Variants in EXOC4 observed in about 807,000 individuals in gnomAD.
EXOC4 encodes the protein SEC8-like 1.
Under a neutral mutation model 107.2 loss-of-function variants are expected in EXOC4, and 71 were observed. The observed-to-expected ratio is 0.66, with a 90% CI of 0.55 to 0.81. The LOEUF (loss-of-function observed/expected upper bound fraction) is 0.81. Among genes scored for constraint, EXOC4 ranks in the 30% least tolerant of loss-of-function variants. The pLI is 0.00. For synonymous variants in EXOC4, 456 were observed against 441.2 expected (o/e 1.03, Z -0.42); for missense variants, 1,108 against 1,189.6 (o/e 0.93, Z 1.01).
At chr7:133,565,476 G>A (rs1251882742) in intron 9 of EXOC4, among the ~76,000 whole-genome samples, 7 of 152,126 alleles carry the variant, frequency 4.6e-5, no homozygotes, top group Non-Finnish European at 1.0e-4. Flanking sequence ...GTTGTTTAGA[G>A]ATCACCTTGA....
chr7:133,743,050 G>A (rs1430394324), intron 10 of EXOC4, among the ~76,000 whole-genome samples: 1 of 152,098 alleles, frequency 6.6e-6, no homozygotes, highest in East Asian at 1.9e-4. Flanking sequence ...GTGTGCTTCT[G>A]AAAAAGAAGA....
intron 11 of EXOC4, among the ~76,000 whole-genome samples, chr7:133,823,870 TATTA>T (rs1186372460): frequency 0.022 from 269 of 12,256 alleles, 3 homozygotes; most frequent in Admixed American, 0.028. Context: ...TATATATATA[TATTA>T]TATATATATA....
intron 10 of EXOC4, among the ~76,000 whole-genome samples, chr7:133,666,096 T>C (rs1793806608): frequency 6.6e-6 from 1 of 152,196 alleles, no homozygotes; most frequent in South Asian, 2.1e-4. Flanking sequence ...GATTTAATGG[T>C]ATGTTTCAAT....
At chr7:133,278,145 G>C (rs187014601) in intron 2 of EXOC4, among the ~76,000 whole-genome samples, 1 of 152,198 alleles carries the variant, frequency 6.6e-6, no homozygotes, top group African/African-American at 2.4e-5. Flanking sequence ...ACCAGTTCCT[G>C]TCCTCAGGGA....
intron 2 of EXOC4, among the ~76,000 whole-genome samples, chr7:133,278,885 T>C (rs1473159537): frequency 2.0e-5 from 3 of 152,140 alleles, no homozygotes; most frequent in Non-Finnish European, 4.4e-5. Flanking sequence ...TTGTTACATA[T>C]GTATACATGT....
intron 10 of EXOC4, among the ~76,000 whole-genome samples, chr7:133,737,454 A>G (rs567773667): frequency 1.3e-5 from 2 of 148,572 alleles, no homozygotes; most frequent in South Asian, 4.3e-4. Flanking sequence ...TATGAAGCTT[A>G]TTAATTTTTT....
At chr7:134,086,646 GGAGAAGGGTCCTGATCCAGACCCCAA>G in the EXOC4 span, among the ~76,000 whole-genome samples, 1 of 152,140 alleles carries the variant, frequency 6.6e-6, no homozygotes, top group Non-Finnish European at 1.5e-5. Context: ...TATTGTTACA[GGAGAAGGGTCCTGATCCAGACCCCAA>G]GAGAGGGTTC....
chr7:133,982,468 C>T (rs1282760523), intron 14 of EXOC4, among the ~76,000 whole-genome samples: 2 of 152,118 alleles, frequency 1.3e-5, no homozygotes, highest in African/African-American at 4.8e-5. Flanking sequence ...AGGAGAACGG[C>T]ATGAACCCGG....
intron 9 of EXOC4, among the ~76,000 whole-genome samples, chr7:133,529,289 C>G (rs950858602): frequency 1.3e-5 from 2 of 152,086 alleles, no homozygotes; most frequent in East Asian, 1.9e-4. Context: ...GTACATATCA[C>G]TTGGTTATGT....
chr7:134,059,751 A>G (rs1796012991), intron 17 of EXOC4, among the ~76,000 whole-genome samples: 2 of 152,210 alleles, frequency 1.3e-5, no homozygotes, highest in Non-Finnish European at 2.9e-5. Context: ...TGGCTAGAAC[A>G]CTACATGTGG....
chr7:133,449,483 C>A (rs1211955722), intron 7 of EXOC4, among the ~76,000 whole-genome samples: 1 of 152,172 alleles, frequency 6.6e-6, no homozygotes, highest in African/African-American at 2.4e-5. Context: ...TTCTTAAATG[C>A]AAGGATAATT....
At chr7:133,634,737 C>T (rs1314361246) in intron 10 of EXOC4, among the ~76,000 whole-genome samples, 1 of 152,164 alleles carries the variant, frequency 6.6e-6, no homozygotes, top group Admixed American at 6.5e-5. Flanking sequence ...CCGCCTCGGC[C>T]TCCCAAAATG....
chr7:133,725,398 C>G (rs530010844), intron 10 of EXOC4, among the ~76,000 whole-genome samples: 1 of 152,040 alleles, frequency 6.6e-6, no homozygotes, highest in Non-Finnish European at 1.5e-5. Context: ...GTTTTGAGAT[C>G]GAGTTTCACT....
intron 17 of EXOC4, among the ~76,000 whole-genome samples, chr7:134,058,844 G>T (rs1479231978): frequency 6.6e-6 from 1 of 152,104 alleles, no homozygotes; most frequent in African/African-American, 2.4e-5. Context: ...TCATTTTGAG[G>T]CCTTAGACAA....
chr7:133,404,055 G>A (rs1797153745), intron 7 of EXOC4, among the ~76,000 whole-genome samples: 1 of 152,052 alleles, frequency 6.6e-6, no homozygotes, highest in South Asian at 2.1e-4. Flanking sequence ...ATTCTCCATA[G>A]TGCAGCTGGG....
At chr7:133,633,550 C>T (rs111244581) in intron 10 of EXOC4, among the ~76,000 whole-genome samples, 3,833 of 152,130 alleles carry the variant, frequency 0.025, 173 homozygotes, top group African/African-American at 0.088. Flanking sequence ...GAAACCCTGT[C>T]TCTACTAAAA....
chr7:133,310,662 T>G (rs1387787762), intron 4 of EXOC4, among the ~76,000 whole-genome samples: 1 of 151,898 alleles, frequency 6.6e-6, no homozygotes, highest in South Asian at 2.1e-4. Context: ...ACAGGAAGGG[T>G]CTGTTTGGGT....
chr7:133,531,555 C>T (rs1427447194), intron 9 of EXOC4, among the ~76,000 whole-genome samples: 1 of 152,038 alleles, frequency 6.6e-6, no homozygotes, highest in African/African-American at 2.4e-5. Flanking sequence ...TGGACTGTGG[C>T]ACTACCACTT....
intron 7 of EXOC4, among the ~76,000 whole-genome samples, chr7:133,450,205 C>T (rs1463945389): frequency 6.6e-6 from 1 of 152,012 alleles, no homozygotes; most frequent in East Asian, 1.9e-4. Flanking sequence ...CAGAGTCTTG[C>T]CCTGTTGCCC....
Sources: gnomAD v4.1 joint callset for allele counts (sites outside exome capture counted in the v4.1 genomes callset) on GRCh38, gnomAD v4.1.1 for gene constraint, MANE v1.5 for transcripts, NCBI Gene and HGNC (gene_info 2026-07-23, HGNC 2026-07-21) for gene names.